Variants in AGPAT5 observed in about 807,000 individuals in gnomAD.
The protein encoded by AGPAT5 is 1-acyl-sn-glycerol-3-phosphate acyltransferase epsilon.
AGPAT5 carries 46 observed loss-of-function variants against 45.6 expected under a neutral mutation model. The observed-to-expected ratio is 1.01, with a 90% CI of 0.80 to 1.29. AGPAT5 has a LOEUF of 1.29. AGPAT5 is among the 50% of genes most tolerant of loss of function. The pLI, the probability that AGPAT5 is intolerant of heterozygous loss-of-function variation, is 0.00. For missense variants in AGPAT5, 673 were observed against 450.7 expected, an observed-to-expected ratio of 1.49 and a Z score of -4.47; for synonymous variants, 272 against 167.0, an observed-to-expected ratio of 1.63 and a Z score of -4.85.
At chr8:6,732,165 C>G (rs962609788) in intron 3 of AGPAT5, among the ~76,000 whole-genome samples, 2 of 87,680 alleles carry the variant, frequency 2.3e-5, no homozygotes, top group South Asian at 6.5e-4. Flanking sequence ...TTTAAAATCC[C>G]TAAAGATCGT....
intron 5 of AGPAT5, chr8:6,746,179 G>C (rs947121006): frequency 6.6e-6 from 1 of 152,062 alleles, no homozygotes; most frequent in Non-Finnish European, 1.5e-5. Flanking sequence ...GTGCCACCGC[G>C]CCCGGCTCCG....
chr8:6,710,724 A>G (rs1430898923), intron 1 of AGPAT5, among the ~76,000 whole-genome samples: 2 of 152,068 alleles, frequency 1.3e-5, no homozygotes, highest in South Asian at 4.1e-4. Context: ...AATATTTTTT[A>G]TTGTTTCTGT....
At chr8:6,722,627 C>A (rs991834595) in intron 1 of AGPAT5, among the ~76,000 whole-genome samples, 7 of 152,082 alleles carry the variant, frequency 4.6e-5, no homozygotes, top group Admixed American at 2.6e-4. Flanking sequence ...GTCATGGGAG[C>A]AAGTTAAAAA....
At chr8:6,725,062 A>G (rs1030593272) in intron 2 of AGPAT5, 123 bp downstream of exon 2, 4 of 332,564 alleles carry the variant, frequency 1.2e-5, no homozygotes, top group Admixed American at 1.0e-4. Context: ...TGCAGATATT[A>G]CACCTGTTCT....
At chr8:6,744,140 TC>T (rs1274648119) in intron 5 of AGPAT5, among the ~76,000 whole-genome samples, 3 of 152,254 alleles carry the variant, frequency 2.0e-5, no homozygotes, top group African/African-American at 7.2e-5. Flanking sequence ...CAAAAGTGCT[TC>T]ATAATTAGAA....
At chr8:6,716,308 C>T (rs1405088933) in intron 1 of AGPAT5, among the ~76,000 whole-genome samples, 1 of 152,026 alleles carries the variant, frequency 6.6e-6, no homozygotes, top group African/African-American at 2.4e-5. Context: ...CCTGTAATCC[C>T]AGCATTTTGG....
chr8:6,734,450 C>G (rs183637494), intron 4 of AGPAT5, among the ~76,000 whole-genome samples: 14 of 152,212 alleles, frequency 9.2e-5, no homozygotes, highest in African/African-American at 3.1e-4. Context: ...CCCTTTGACC[C>G]TGTTTCATAG....
At chr8:6,723,580 G>A (rs968546691) in intron 1 of AGPAT5, among the ~76,000 whole-genome samples, 1 of 152,156 alleles carries the variant, frequency 6.6e-6, no homozygotes, top group African/African-American at 2.4e-5. Flanking sequence ...TGGCTTGTTG[G>A]TAAGAGAATG....
intron 1 of AGPAT5, among the ~76,000 whole-genome samples, chr8:6,721,961 G>A (rs1800518304): frequency 6.6e-6 from 1 of 152,028 alleles, no homozygotes; most frequent in Non-Finnish European, 1.5e-5. Flanking sequence ...CTGAGTAGCA[G>A]GGACTATAGG....
In AGPAT5 at chr8:6,758,349, G is replaced by C. The variant is rs1801914964; in HGVS notation, c.*961G>C. The C allele has an allele frequency of 6.6e-6, 1 of 152,658 alleles. No homozygotes were observed. The highest frequency in any genetic ancestry group is 2.1e-4 in the South Asian group (1 of 4,834). The allele number at this position is 152,658 out of a possible 1,614,324, so 9.5% of individuals were successfully genotyped here. A position where few individuals can be genotyped will look rare whatever the true frequency, so the allele number is the denominator to read the frequency against. On this transcript the variant is annotated 3_prime_UTR_variant, in exon 8 of 8. Coordinates refer to ENST00000285518, the MANE Select transcript of AGPAT5 (RefSeq NM_018361.5). ...TTGCCTGCTTCTCTTTGATTTCACA[G>C]AATATTCATTCAGAAGTCGCGTTTC...
At chr8:6,710,151 C>T (rs1387379656) in intron 1 of AGPAT5, among the ~76,000 whole-genome samples, 1 of 152,058 alleles carries the variant, frequency 6.6e-6, no homozygotes, top group Admixed American at 6.6e-5. Flanking sequence ...CTATCTGTGG[C>T]GGGTTATGTT....
intron 1 of AGPAT5, among the ~76,000 whole-genome samples, chr8:6,722,609 G>C (rs1273772793): frequency 1.3e-5 from 2 of 152,208 alleles, no homozygotes; most frequent in Non-Finnish European, 2.9e-5. Flanking sequence ...TCAATAGGCA[G>C]TTTATATGTC....
chr8:6,750,475 G>A (rs779852570), intron 6 of AGPAT5, among the ~76,000 whole-genome samples: 1 of 152,124 alleles, frequency 6.6e-6, no homozygotes, highest in Non-Finnish European at 1.5e-5. Flanking sequence ...TTCAGTCAAG[G>A]ATAAAGTATT....
rs1041045645 is a variant in AGPAT5 at position 6,761,055 on chromosome 8, G to A, written c.*3667G>A. Among the ~76,000 whole-genome samples, 14 of 152,098 alleles carry A rather than the reference G, an allele frequency of 9.2e-5. No homozygotes were observed. Among genetic ancestry groups the A allele is most frequent in the African/African-American group, 3.1e-4 (13 of 41,420 alleles). On this transcript the variant is annotated 3_prime_UTR_variant, in exon 8 of 8. Transcript: ENST00000285518. ...CTGTAGCAACTGGGGAGTCATATAT[G>A]AGGTCAAAGACATATACCTTGTTAT...
At chr8:6,721,590 G>A (rs2116871546) in intron 1 of AGPAT5, among the ~76,000 whole-genome samples, 1 of 152,304 alleles carries the variant, frequency 6.6e-6, no homozygotes, top group South Asian at 2.1e-4. Flanking sequence ...TAGGTTTGGA[G>A]GGGTTGGGTG....
intron 7 of AGPAT5, among the ~76,000 whole-genome samples, chr8:6,755,710 A>G (rs1426739279): frequency 6.6e-6 from 1 of 152,206 alleles, no homozygotes; most frequent in Non-Finnish European, 1.5e-5. Context: ...TTTATTCTCT[A>G]AATATGTACT....
rs767417802 is a variant in AGPAT5 at position 6,730,740 on chromosome 8, A to G, written c.319A>G (p.Ile107Val). The change falls in exon 3 of 8, where the codon ATC becomes GTC. Residue 107 changes from isoleucine to valine, a missense_variant. Physicochemically the swap from Ile to Val is conservative, Grantham distance 29 (BLOSUM62 3). Coordinates refer to ENST00000285518, the MANE Select transcript of AGPAT5 (RefSeq NM_018361.5). ...VDWIVADILA[I>V]RQNALGHVRY... Reference sequence around the variant, plus strand: ...CTGGATTGTTGCTGACATCTTGGCCATCAGGCAGAATGCGCTAGGACATGT... The same window carrying G: ...CTGGATTGTTGCTGACATCTTGGCCGTCAGGCAGAATGCGCTAGGACATGT... The G allele has an allele frequency of 4.3e-5, 69 of 1,613,306 alleles. No individual in the cohort carries two copies. The highest frequency in any genetic ancestry group is 5.7e-5 in the Non-Finnish European group (67 of 1,179,520).
rs1800632174 is a variant in AGPAT5 at position 6,724,883 on chromosome 8, G to A, written c.233G>A (p.Gly78Glu). ...TTTATCTTTTAGATATTGCTATATG[G>A]AGATTTGCCAAAAAATAAAGAAAAT... ...NYTGVQILLYGDLPKNKENII... is the reference protein window; with the variant it reads ...NYTGVQILLYEDLPKNKENII... Residue 78 changes from glycine (G) to glutamate (E), a missense_variant, in exon 2 of 8, where the codon GGA becomes GAA. Gly to Glu is a moderately conservative substitution (Grantham distance 98). Transcript: ENST00000285518. 9.0e-7 allele frequency: 1 copy of A among 1,107,296 alleles called. No homozygotes were observed. Among genetic ancestry groups the A allele is most frequent in the Non-Finnish European group, 1.2e-6 (1 of 827,508 alleles). 68.6% of individuals were successfully genotyped at this position (1,107,296 alleles called of 1,614,324 possible). A position where few individuals can be genotyped will look rare whatever the true frequency, so the allele number is the denominator to read the frequency against.
intron 1 of AGPAT5, among the ~76,000 whole-genome samples, chr8:6,719,666 G>T (rs563887146): frequency 6.6e-6 from 1 of 152,132 alleles, no homozygotes; most frequent in African/African-American, 2.4e-5. Flanking sequence ...GTAGCCTCCA[G>T]CTTTACCACC....
Sources: allele counts gnomAD v4.1 joint callset (sites outside exome capture counted in the v4.1 genomes callset), GRCh38; gene constraint gnomAD v4.1.1; transcripts MANE v1.5; gene names NCBI Gene and HGNC (gene_info 2026-07-23, HGNC 2026-07-21).